CDH23: variants seen among roughly 807,000 people sequenced by gnomAD.
CDH23 encodes cadherin-23.
In CDH23, 189 loss-of-function variants were observed where a neutral mutation model predicts 317.1. That is an observed-to-expected ratio of 0.60 (90% CI 0.53 to 0.67). The LOEUF is 0.67. CDH23 is among the 30% of genes least tolerant of loss of function. The pLI is 0.00. For synonymous variants in CDH23, 1,839 were observed against 1,876.8 expected (o/e 0.98, Z 0.52); for missense variants, 4,401 against 4,592.4 (o/e 0.96, Z 1.20).
chr10:71,809,939 A>G lies in CDH23; in HGVS notation c.8842A>G (p.Ile2948Val), dbSNP rs759811795. ...CCACAACGACACGGCCATCATCGGC[A>G]TCTACATCCTGAGGGACGACCAGCG... ...AGHNDTAIIG[I>V]YILRDDQRVK... The change falls in exon 61 of 70, where the codon ATC becomes GTC. Residue 2948 changes from isoleucine (I) to valine (V), a missense_variant. This residue lies in a region of CDH23 where 1,144 missense variants were observed against 1,138.2 expected (regional missense o/e 1.01). Transcript: ENST00000224721. The G allele has an allele frequency of 5.0e-6, 8 of 1,612,718 alleles. No individual in the cohort carries two copies. The highest frequency in any genetic ancestry group is 6.8e-6 in the Non-Finnish European group (8 of 1,179,900).
Position 71,446,394 on chromosome 10 carries a change from G to A in CDH23, c.144G>A (p.Val48=), listed in dbSNP as rs1308841432. 3.7e-6 allele frequency: 6 copies of A among 1,613,964 alleles called. 1 individual carries two copies. In the South Asian group the frequency reaches 4.4e-5, roughly 12 times the overall value. The stretch of plus-strand genomic sequence containing the variant: ...TGCTGATCAGCGAGGACACGCCTGT[G>A]GGTGAGTGGGGGCATGGGCTGGTGG... The part of the protein sequence containing the change: ...TYLLISEDTP[V]GSSVTQLLAQ... Residue 48 remains valine, a splice_region_variant and synonymous_variant, in exon 3 of 70, where the codon GTG becomes GTA. Coordinates refer to ENST00000224721, the MANE Select transcript of CDH23 (RefSeq NM_022124.6).
intron 38 of CDH23, among the ~76,000 whole-genome samples, chr10:71,775,152 C>G (rs17644754): frequency 0.22 from 32,911 of 152,144 alleles, 3,846 homozygotes; most frequent in Non-Finnish European, 0.26. Flanking sequence ...AGCATGAGCT[C>G]CCTTCCACCA....
Position 71,694,840 on chromosome 10 carries a change from G to A in CDH23, c.2290-578G>A, listed in dbSNP as rs10999955. ...ACCTCCCCTCTTTGTTCCCCATTCGGTTTCTTTGGCTCACCCTCAAAACTG... is the reference window on the plus strand; with the variant it reads ...ACCTCCCCTCTTTGTTCCCCATTCGATTTCTTTGGCTCACCCTCAAAACTG... On this transcript the variant is annotated intron_variant, in intron 21 of 69. Coordinates refer to ENST00000224721, the MANE Select transcript of CDH23 (RefSeq NM_022124.6). Among the ~76,000 whole-genome samples, 3,531 of 152,240 alleles carry A rather than the reference G, an allele frequency of 0.023. 209 individuals are homozygous for A. The highest frequency in any genetic ancestry group is 0.18 in the East Asian group (922 of 5,166).
At chr10:71,809,090 T>G (rs1213892482) in intron 60 of CDH23, among the ~76,000 whole-genome samples, 1 of 151,848 alleles carries the variant, frequency 6.6e-6, no homozygotes, top group African/African-American at 2.4e-5. Flanking sequence ...TTGAGCCCAA[T>G]CTATTGTCTT....
intron 1 of CDH23, among the ~76,000 whole-genome samples, chr10:71,418,242 C>T (rs979002586): frequency 1.3e-5 from 2 of 152,082 alleles, no homozygotes; most frequent in African/African-American, 4.8e-5. Flanking sequence ...GAATGTCAGT[C>T]ATTTCGTATG....
chr10:71,580,009 C>T (rs969761665), intron 9 of CDH23, among the ~76,000 whole-genome samples: 2 of 152,126 alleles, frequency 1.3e-5, no homozygotes, highest in South Asian at 4.1e-4. Context: ...GAGCAGAGAG[C>T]CAGGACTTGG....
Position 71,702,429 on chromosome 10 carries a change from G to A in CDH23, c.2588-120G>A, listed in dbSNP as rs548833492. The A allele has an allele frequency of 1.2e-4, 158 of 1,329,926 alleles. 1 individual carries two copies. In the South Asian group the frequency reaches 1.8e-3, roughly 15 times the overall value. The allele number at this position is 1,329,926 out of a possible 1,614,324, so 82.4% of individuals were successfully genotyped here. A position where few individuals can be genotyped will look rare whatever the true frequency, so the allele number is the denominator to read the frequency against. Reference sequence around the variant, plus strand: ...TGAGGCCTAGGCTGCTTCCTGGAGGGGCCTTTGGGATGGAGGGCTCTGAAT... The same window carrying A: ...TGAGGCCTAGGCTGCTTCCTGGAGGAGCCTTTGGGATGGAGGGCTCTGAAT... On this transcript the variant is annotated intron_variant, in intron 23 of 69. Coordinates refer to ENST00000224721, the MANE Select transcript of CDH23 (RefSeq NM_022124.6).
At chr10:71,804,020 ACT>A (rs1841639206) in intron 55 of CDH23, among the ~76,000 whole-genome samples, 1 of 151,426 alleles carries the variant, frequency 6.6e-6, no homozygotes, top group Admixed American at 6.6e-5. Flanking sequence ...TTGAAGTCTA[ACT>A]CTATCGCTTA....
intron 3 of CDH23, among the ~76,000 whole-genome samples, chr10:71,493,886 A>G (rs1440571754): frequency 6.6e-6 from 1 of 152,158 alleles, no homozygotes; most frequent in Admixed American, 6.5e-5. Context: ...TATTCATAAG[A>G]TCTCTTATAT....
intron 68 of CDH23, 149 bp from the exon 69 acceptor site, chr10:71,813,095 G>T: frequency 9.1e-7 from 1 of 1,096,060 alleles, no homozygotes; most frequent in Non-Finnish European, 1.3e-6. Context: ...GTCCAGGCTG[G>T]CCACTGTCTC....
Position 71,679,408 on chromosome 10 carries a change from C to G in CDH23, c.1774C>G (p.Pro592Ala). Residue 592 changes from proline (P) to alanine (A), a missense_variant, in exon 17 of 70, where the codon CCC (proline) becomes GCC (alanine). Transcript: ENST00000224721. ...RLRATDEDSP[P>A]NNQITYSIVS... is the part of the protein sequence containing the mutation. ...TCAGGCAACAGATGAAGACTCCCCT[C>G]CCAACAACCAGATCACCTACAGCAT... The G allele has an allele frequency of 6.2e-7, 1 of 1,613,240 alleles. No homozygotes were observed.
intron 3 of CDH23, among the ~76,000 whole-genome samples, chr10:71,464,867 C>G (rs1442290067): frequency 6.6e-6 from 1 of 152,128 alleles, no homozygotes; most frequent in African/African-American, 2.4e-5. Context: ...AAATCCAGTC[C>G]CCCTTTCTCC....
Position 71,793,677 on chromosome 10 carries a change from C to T in CDH23, c.6712+37C>T, listed in dbSNP as rs750966744. ...TGCACCCCTCCCACCTCCCTCCCAG[C>T]TCCCAGTCCTGTCTCCTCGCTCCCT... is the stretch of plus-strand genomic sequence containing the variant. On this transcript the variant is annotated intron_variant, in intron 48 of 69. Coordinates refer to ENST00000224721, the MANE Select transcript of CDH23 (RefSeq NM_022124.6). 9.0e-6 allele frequency: 13 copies of T among 1,440,644 alleles called. No homozygotes were observed. In the East Asian group the frequency reaches 1.4e-4, roughly 16 times the overall value. The allele number at this position is 1,440,644 out of a possible 1,614,324, so 89.2% of individuals were successfully genotyped here. A position where few individuals can be genotyped will look rare whatever the true frequency, so the allele number is the denominator to read the frequency against.
chr10:71,814,827 G>A, intron 69 of CDH23, 125 bp from the exon 70 acceptor site: 2 of 1,135,340 alleles, frequency 1.8e-6, no homozygotes, highest in Non-Finnish European at 2.4e-6. Context: ...GAGAAACAGA[G>A]TCTGACAGGC....
At chr10:71,546,376 G>A (rs545456449) in intron 6 of CDH23, among the ~76,000 whole-genome samples, 4 of 152,312 alleles carry the variant, frequency 2.6e-5, no homozygotes, top group Non-Finnish European at 4.4e-5. Context: ...TGATGGTACC[G>A]GAGCTACTGT....
chr10:71,615,747 C>T (rs1861150929), intron 10 of CDH23, 131 bp downstream of exon 10: 2 of 651,116 alleles, frequency 3.1e-6, no homozygotes, highest in South Asian at 3.6e-5. Flanking sequence ...GTGCTCTCAC[C>T]CTGCACTGCC....
At chr10:71,634,869 C>T (rs10823808) in intron 11 of CDH23, among the ~76,000 whole-genome samples, 45,415 of 152,242 alleles carry the variant, frequency 0.3, 7,214 homozygotes, top group East Asian at 0.52. Context: ...TACCCATGGG[C>T]GTGATTGAGG....
In CDH23 at chr10:71,460,946, A is replaced by T. The variant is rs113392283; in HGVS notation, c.145+14551A>T. Among the ~76,000 whole-genome samples the T allele has an allele frequency of 4.7e-3, 718 of 152,332 alleles. 5 individuals are homozygous for T. The highest frequency in any genetic ancestry group is 0.017 in the African/African-American group (686 of 41,572). ...CCCCGACGAGTAGCCCAGCCTGGTC[A>T]CTAGGGACACCACCTCTGCATATTC... On this transcript the variant is annotated intron_variant, in intron 3 of 69. Transcript: ENST00000224721.
In CDH23 at chr10:71,812,813, C is replaced by G. The variant is rs773464867; in HGVS notation, c.9556C>G (p.Arg3186Gly). 3.7e-6 allele frequency: 6 copies of G among 1,613,318 alleles called. No individual in the cohort carries two copies. Among genetic ancestry groups the G allele is most frequent in the Non-Finnish European group, 5.1e-6 (6 of 1,179,566 alleles). ...AGCAGCTGTCAAGCCTGATGATGAC[C>G]GATACCTGCGGGCTGCCATCCAGGA... ...EPAAVKPDDD[R>G]YLRAAIQEYD... Residue 3186 changes from arginine (R) to glycine (G), a missense_variant, in exon 68 of 70, where the codon CGA (arginine) becomes GGA (glycine). This residue lies in a region of CDH23 where 1,144 missense variants were observed against 1,138.2 expected (regional missense o/e 1.01). Coordinates refer to ENST00000224721, the MANE Select transcript of CDH23 (RefSeq NM_022124.6).
Sources: allele counts gnomAD v4.1 joint callset (sites outside exome capture counted in the v4.1 genomes callset), GRCh38; gene constraint gnomAD v4.1.1; regional missense constraint gnomAD v4.1.1; transcripts MANE v1.5; gene names NCBI Gene and HGNC (gene_info 2026-07-23, HGNC 2026-07-21).